Variants in TMPRSS9 observed in about 807,000 individuals in gnomAD.
TMPRSS9 encodes transmembrane serine protease 9, also known as transmembrane protease serine 9.
A neutral mutation model predicts 111.4 loss-of-function variants in TMPRSS9; 113 were observed. That is an observed-to-expected ratio of 1.01 (90% CI 0.87 to 1.19). The LOEUF is 1.19. TMPRSS9 is among the 50% of genes most tolerant of loss of function. The pLI is 0.00. For synonymous variants in TMPRSS9, 805 were observed against 659.1 expected (o/e 1.22, Z -3.39); for missense variants, 1,803 against 1,513.1 (o/e 1.19, Z -3.18).
exon 11 of TMPRSS9, chr19:2,415,828 C>A (rs747150697): frequency 8.1e-6 from 13 of 1,596,012 alleles, no homozygotes; most frequent in Middle Eastern, 1.7e-4. Context: ...GTCTGCCGCC[C>A]ACTGCTTCAA....
At chr19:2,385,444 C>G (rs1970459600), upstream of TMPRSS9, among the ~76,000 whole-genome samples, 1 of 152,114 alleles carries the variant, frequency 6.6e-6, no homozygotes, top group South Asian at 2.1e-4. Context: ...TGCGGTGTTG[C>G]CGTTGCACAT....
chr19:2,380,233 A>G (rs143396398), intron 1 of TMPRSS9, among the ~76,000 whole-genome samples: 2 of 152,166 alleles, frequency 1.3e-5, no homozygotes, highest in East Asian at 3.9e-4. Context: ...GCAATGAGCT[A>G]CAATTGTGCC....
exon 14 of TMPRSS9, chr19:2,421,859 C>T (rs72971482): frequency 0.012 from 18,960 of 1,600,160 alleles, 129 homozygotes; most frequent in Non-Finnish European, 0.015. Context: ...TCTAGGGTGA[C>T]TCTGGGGGCC....
chr19:2,373,378 G>A (rs747340780), intron 1 of TMPRSS9, among the ~76,000 whole-genome samples: 3 of 151,934 alleles, frequency 2.0e-5, no homozygotes, highest in South Asian at 2.1e-4. Flanking sequence ...TTACAGGCAC[G>A]CCACCACACT....
chr19:2,411,299 CAAAAAAAAAAAAAAAAAAAAAA>C (rs771305642), intron 9 of TMPRSS9, among the ~76,000 whole-genome samples: 1 of 32,304 alleles, frequency 3.1e-5, no homozygotes, highest in Non-Finnish European at 4.8e-5. Context: ...GACTCTGTCT[CAAAAAAAAAAAAAAAAAAAAAA>C]AAAAAAAAAA....
Position 2,375,604 on chromosome 19 carries a change from C to G in TMPRSS9, c.-25-14157C>G, listed in dbSNP as rs73919624. Among the ~76,000 whole-genome samples the G allele has an allele frequency of 9.3e-3, 1,189 of 128,540 alleles. 49 individuals are homozygous for G. The highest frequency in any genetic ancestry group is 0.03 in the African/African-American group (769 of 25,766). 84.3% of individuals were successfully genotyped at this position (128,540 alleles called of 152,430 possible). The stretch of plus-strand genomic sequence containing the variant: ...GGGTCCAGTGTGGACCAATCACTGG[C>G]TGGAGATGGAAGGGTGGAAGCTGTG... On this transcript the variant is annotated intron_variant, in intron 1 of 17. Transcript: ENST00000649857.
At chr19:2,364,662 C>T (rs760750909) in intron 1 of TMPRSS9, among the ~76,000 whole-genome samples, 19 of 152,214 alleles carry the variant, frequency 1.2e-4, no homozygotes, top group Admixed American at 4.6e-4. Flanking sequence ...CCAGTGTCCC[C>T]TTGCGTTGAC....
chr19:2,418,336 C>CTCCT (rs1971322560), intron 13 of TMPRSS9, among the ~76,000 whole-genome samples, 198 bp downstream of exon 14: 1 of 71,698 alleles, frequency 1.4e-5, no homozygotes, highest in African/African-American at 8.5e-5. Context: ...CCTCCCTTTC[C>CTCCT]TTCCCTCCCT....
intron 11 of TMPRSS9, 139 bp downstream of exon 12, chr19:2,415,980 C>G: frequency 9.4e-7 from 1 of 1,058,520 alleles, no homozygotes; most frequent in Non-Finnish European, 1.3e-6. Context: ...AGCTGAGAGA[C>G]AGGAGGGAGC....
At chr19:2,415,744 C>A in exon 11 of TMPRSS9, 1 of 1,610,250 alleles carries the variant, frequency 6.2e-7, no homozygotes, top group Non-Finnish European at 8.5e-7. Context: ...CGGGGAGGTG[C>A]CCTGGCAGGT....
chr19:2,389,364 C>T (rs146410934), upstream of TMPRSS9, among the ~76,000 whole-genome samples: 1,846 of 149,672 alleles, frequency 0.012, 44 homozygotes, highest in African/African-American at 0.043. Flanking sequence ...CATAAGCCAC[C>T]GCATCTGGTC....
At chr19:2,377,102 T>C (rs1167978096) in intron 1 of TMPRSS9, among the ~76,000 whole-genome samples, 1 of 151,062 alleles carries the variant, frequency 6.6e-6, no homozygotes, top group South Asian at 2.1e-4. Flanking sequence ...ATGCTGGTCA[T>C]TTCTGCTTGG....
chr19:2,408,759 G>A lies in TMPRSS9; in HGVS notation c.1117+129G>A, dbSNP rs956939268. 1.3e-5 allele frequency: 16 copies of A among 1,238,494 alleles called. No homozygotes were observed. In the African/African-American group the frequency reaches 1.7e-4, roughly 13 times the overall value. 76.7% of individuals were successfully genotyped at this position (1,238,494 alleles called of 1,614,324 possible). ...TGGGAGGCCGAGGCGGGTGGATCAC[G>A]AGGTCAGGCGTTTGAGACCAGCCTG... On this transcript the variant is annotated intron_variant, in intron 8 of 17. Coordinates refer to ENST00000648592, the Ensembl canonical transcript of TMPRSS9.
At chr19:2,416,850 C>G (rs1371163491) in intron 12 of TMPRSS9, 41 bp downstream of exon 13, 1 of 1,566,676 alleles carries the variant, frequency 6.4e-7, no homozygotes, top group Non-Finnish European at 8.6e-7. Flanking sequence ...GATTTATTCT[C>G]CAGGGCCTGG....
rs754319692 is a variant in TMPRSS9, at chr19:2,422,148, C to G, written c.2449C>G (p.Gln817Glu). ...TGGGGCTGCCAGCAGGGTGACGGGC[C>G]AACCTGCCAACTCAACCTTATCTGC... Residue 817 changes from glutamine to glutamate, a missense_variant, in exon 14 of 18, where the codon CAA (glutamine) becomes GAA (glutamate). Physicochemically the swap from Gln to Glu is conservative, Grantham distance 29. Coordinates refer to ENST00000648592, the Ensembl canonical transcript of TMPRSS9. 5.0e-6 allele frequency: 8 copies of G among 1,589,784 alleles called. No individual in the cohort carries two copies. The South Asian group carries it at 7.9e-5, about 16-fold the overall frequency.
chr19:2,416,540 C>A, exon 12 of TMPRSS9: 8 of 1,606,534 alleles, frequency 5.0e-6, no homozygotes, highest in Non-Finnish European at 6.8e-6. Flanking sequence ...CTCCATAGCA[C>A]GAAGGTGGAG....
intron 6 of TMPRSS9, 92 bp downstream of exon 7, chr19:2,403,287 C>A (rs1599297523): frequency 1.0e-5 from 11 of 1,077,466 alleles, no homozygotes; most frequent in African/African-American, 9.3e-5. Context: ...GCTTATTTCA[C>A]TGGGCACACA....
Position 2,405,373 on chromosome 19 carries a change from G to A in TMPRSS9, c.671-1G>A. The A allele has an allele frequency of 1.3e-6, 2 of 1,595,124 alleles. No homozygotes were observed. Among genetic ancestry groups the A allele is most frequent in the Non-Finnish European group, 1.7e-6 (2 of 1,173,938 alleles). ...ATGGCTGGTGACCTGCTGTCTTGCAGAGTGTGGCTTGCAGCCTGCCTGGAG... is the reference window on the plus strand; with the variant it reads ...ATGGCTGGTGACCTGCTGTCTTGCAAAGTGTGGCTTGCAGCCTGCCTGGAG... On this transcript the variant is annotated splice_acceptor_variant, in intron 6 of 17. Transcript: ENST00000648592. LOFTEE classifies it high-confidence loss of function.
intron 1 of TMPRSS9, among the ~76,000 whole-genome samples, chr19:2,364,713 C>T (rs938684567): frequency 4.6e-5 from 7 of 151,996 alleles, no homozygotes; most frequent in African/African-American, 1.7e-4. Context: ...GGGCCGGGAA[C>T]GGTGGCTCAC....
Sources: allele counts gnomAD v4.1 joint callset (sites outside exome capture counted in the v4.1 genomes callset), GRCh38; gene constraint gnomAD v4.1.1; transcripts MANE v1.5; gene names NCBI Gene and HGNC (gene_info 2026-07-23, HGNC 2026-07-21).